The following ZCWPW2 variants were observed in gnomAD, a reference collection of about 807,000 sequenced individuals.
The protein encoded by ZCWPW2 is zinc finger CW-type and PWWP domain containing 2.
ZCWPW2 carries 45 observed loss-of-function variants against 46.6 expected under a neutral mutation model. That is an observed-to-expected ratio of 0.96 (90% CI 0.76 to 1.24). The LOEUF (loss-of-function observed/expected upper bound fraction) is 1.24. Among genes scored for constraint, ZCWPW2 ranks in the 50% most tolerant of loss-of-function variants. ZCWPW2 has a pLI of 0.00. For synonymous variants in ZCWPW2, 152 were observed against 137.1 expected (o/e 1.11, Z -0.76); for missense variants, 429 against 403.9 (o/e 1.06, Z -0.53).
intron 2 of ZCWPW2, among the ~76,000 whole-genome samples, chr3:28,410,191 A>G (rs933604236): frequency 8.5e-5 from 13 of 152,116 alleles, no homozygotes; most frequent in African/African-American, 2.9e-4. Flanking sequence ...CTGAACATGT[A>G]TATATTTAAT....
At chr3:28,455,377 G>T (rs1698386078) in intron 4 of ZCWPW2, among the ~76,000 whole-genome samples, 1 of 152,130 alleles carries the variant, frequency 6.6e-6, no homozygotes, top group South Asian at 2.1e-4. Context: ...ATAGATGGTG[G>T]ATATTAGACT....
At chr3:28,469,553 A>G (rs990205748) in intron 4 of ZCWPW2, among the ~76,000 whole-genome samples, 2 of 152,104 alleles carry the variant, frequency 1.3e-5, no homozygotes, top group African/African-American at 4.8e-5. Context: ...GAAACCACAA[A>G]AGAGCATGAG....
chr3:28,499,939 G>A (rs1174865544), intron 6 of ZCWPW2, among the ~76,000 whole-genome samples: 1 of 151,886 alleles, frequency 6.6e-6, no homozygotes, highest in Non-Finnish European at 1.5e-5. Flanking sequence ...TAGTAAAATT[G>A]TCTCTTTTGG....
intron 3 of ZCWPW2, among the ~76,000 whole-genome samples, chr3:28,421,485 T>G (rs758705910): frequency 6.6e-6 from 1 of 152,076 alleles, no homozygotes; most frequent in African/African-American, 2.4e-5. Flanking sequence ...GATAAAGCAG[T>G]TATTCTGTGT....
At chr3:28,484,929 T>TC (rs905925079) in intron 5 of ZCWPW2, among the ~76,000 whole-genome samples, 10 of 152,148 alleles carry the variant, frequency 6.6e-5, no homozygotes, top group Admixed American at 1.3e-4. Context: ...TTATTTTTTT[T>TC]CTTCTGCTTA....
At chr3:28,445,981 G>A (rs1009423317) in intron 4 of ZCWPW2, among the ~76,000 whole-genome samples, 1 of 152,058 alleles carries the variant, frequency 6.6e-6, no homozygotes, top group Non-Finnish European at 1.5e-5. Context: ...AGAAGAGATA[G>A]CTATTATAAA....
chr3:28,482,337 TA>T (rs1474009702), intron 5 of ZCWPW2, among the ~76,000 whole-genome samples: 1 of 152,214 alleles, frequency 6.6e-6, no homozygotes, highest in African/African-American at 2.4e-5. Context: ...AGATCTTTTT[TA>T]AATTAGTGCT....
chr3:28,401,791 C>T (rs13087081), intron 2 of ZCWPW2, among the ~76,000 whole-genome samples: 34,307 of 151,746 alleles, frequency 0.23, 4,449 homozygotes, highest in Non-Finnish European at 0.29. Flanking sequence ...TATGCAAATA[C>T]ATGGAAATTA....
rs529737858 is a variant in ZCWPW2, at chr3:28,349,216, C to T, written c.-134+13C>T. 6.3e-5 allele frequency: 62 copies of T among 985,160 alleles called. No homozygotes were observed. The African/African-American group carries it at 9.6e-4, about 15-fold the overall frequency. The allele number at this position is 985,160 out of a possible 1,614,324, so 61.0% of individuals were successfully genotyped here. The stretch of plus-strand genomic sequence containing the variant: ...GGAGTGGAGTTAGGTAAGAGCGTTA[C>T]CAGCCGTCTTGTCTGTTGGGCCGAG... On this transcript the variant is annotated intron_variant, in intron 1 of 9. Coordinates refer to ENST00000383768, the MANE Select transcript of ZCWPW2 (RefSeq NM_001040432.4).
chr3:28,472,886 AAC>A (rs1699089250), intron 4 of ZCWPW2, among the ~76,000 whole-genome samples: 1 of 152,156 alleles, frequency 6.6e-6, no homozygotes, highest in African/African-American at 2.4e-5. Flanking sequence ...GGAAAAAAAA[AAC>A]AAACTAATAA....
intron 1 of ZCWPW2, among the ~76,000 whole-genome samples, chr3:28,357,797 T>TTATATATATATATATATA (rs3068920): frequency 2.4e-4 from 33 of 140,400 alleles, no homozygotes; most frequent in African/African-American, 8.2e-4. Flanking sequence ...TTGGTATATT[T>TTATATATATATATATATA]TATATATATA....
At chr3:28,361,018 CAT>C (rs1205423345) in intron 1 of ZCWPW2, among the ~76,000 whole-genome samples, 4 of 151,972 alleles carry the variant, frequency 2.6e-5, no homozygotes, top group Admixed American at 2.0e-4. Context: ...ACATATGAAA[CAT>C]AAATAAATTT....
At chr3:28,385,892 T>C (rs1392342138) in intron 1 of ZCWPW2, among the ~76,000 whole-genome samples, 1 of 152,200 alleles carries the variant, frequency 6.6e-6, no homozygotes, top group Non-Finnish European at 1.5e-5. Context: ...TAACCTTTTA[T>C]TTTCTTGTTT....
At chr3:28,375,973 A>G (rs1705489396) in intron 1 of ZCWPW2, among the ~76,000 whole-genome samples, 1 of 300 alleles carries the variant, frequency 3.3e-3, no homozygotes, top group Non-Finnish European at 8.5e-3. Flanking sequence ...GATGGATCTC[A>G]TTCTTTTTTT....
At chr3:28,514,191 C>T (rs918491787) in intron 7 of ZCWPW2, 69 bp downstream of exon 7, 10 of 1,106,304 alleles carry the variant, frequency 9.0e-6, no homozygotes, top group Non-Finnish European at 1.2e-5. Context: ...TTTAGAAACA[C>T]CCCGGCTAAT....
intron 6 of ZCWPW2, among the ~76,000 whole-genome samples, chr3:28,496,797 G>A (rs1225925344): frequency 6.6e-6 from 1 of 151,558 alleles, no homozygotes; most frequent in Non-Finnish European, 1.5e-5. Context: ...TATTCCAACA[G>A]CAATTATGGG....
intron 3 of ZCWPW2, among the ~76,000 whole-genome samples, chr3:28,417,132 A>T (rs1696615750): frequency 6.6e-6 from 1 of 151,774 alleles, no homozygotes; most frequent in African/African-American, 2.4e-5. Context: ...GAAAAGACAA[A>T]GGGGATATCA....
chr3:28,380,946 A>ATATATATATATATATATATATATTTGG (rs1695033207), intron 1 of ZCWPW2, among the ~76,000 whole-genome samples: 2 of 34,786 alleles, frequency 5.7e-5, no homozygotes, highest in African/African-American at 1.5e-4. Flanking sequence ...ATATATATAT[A>ATATATATATATATATATATATATTTGG]TATATATATA....
At chr3:28,476,197 G>C (rs1303249899) in intron 4 of ZCWPW2, among the ~76,000 whole-genome samples, 2 of 151,622 alleles carry the variant, frequency 1.3e-5, no homozygotes, top group Non-Finnish European at 2.9e-5. Flanking sequence ...AATTTTGGGA[G>C]AAGTAGTACC....
Sources: allele counts gnomAD v4.1 joint callset (sites outside exome capture counted in the v4.1 genomes callset), GRCh38; gene constraint gnomAD v4.1.1; transcripts MANE v1.5; gene names NCBI Gene and HGNC (gene_info 2026-07-23, HGNC 2026-07-21).